PCDH15: variants seen among roughly 807,000 people sequenced by gnomAD.
The protein encoded by PCDH15 is protocadherin related 15, also known as protocadherin-15.
PCDH15 carries 129 observed loss-of-function variants against 178.5 expected under a neutral mutation model. That is an observed-to-expected ratio of 0.72 (90% CI 0.63 to 0.84). PCDH15 has a LOEUF of 0.84. PCDH15 is among the 40% of genes least tolerant of loss of function. The pLI is 0.00. For synonymous variants in PCDH15, 800 were observed against 732.0 expected (o/e 1.09, Z -1.50); for missense variants, 2,230 against 2,099.9 (o/e 1.06, Z -1.21).
At chr10:55,057,147 T>C (rs1841326626) in intron 2 of PCDH15, among the ~76,000 whole-genome samples, 1 of 152,180 alleles carries the variant, frequency 6.6e-6, no homozygotes. Context: ...GGGCCTACAC[T>C]GTAGAGACTC....
chr10:55,273,319 C>G (rs1008643891), intron 1 of PCDH15, among the ~76,000 whole-genome samples: 1 of 152,072 alleles, frequency 6.6e-6, no homozygotes, highest in Admixed American at 6.5e-5. Flanking sequence ...TCTTACTATG[C>G]CTGCTCTAAA....
chr10:54,393,859 T>C (rs867448750), intron 3 of PCDH15, among the ~76,000 whole-genome samples: 1 of 152,156 alleles, frequency 6.6e-6, no homozygotes, highest in Non-Finnish European at 1.5e-5. Flanking sequence ...ATAATGCACA[T>C]GTCATTTCCA....
At chr10:55,189,879 T>G (rs144015916) in intron 1 of PCDH15, among the ~76,000 whole-genome samples, 17 of 151,902 alleles carry the variant, frequency 1.1e-4, no homozygotes, top group African/African-American at 4.1e-4. Context: ...AGCTAAGCAT[T>G]TCCCTATCCC....
chr10:53,825,503 A>T (rs1214583555), intron 32 of PCDH15, among the ~76,000 whole-genome samples: 1 of 151,782 alleles, frequency 6.6e-6, no homozygotes, highest in East Asian at 1.9e-4. Context: ...TTAACTCTGT[A>T]AAACTGGTTA....
chr10:54,946,582 A>G lies in PCDH15; in HGVS notation c.-79-49082T>C, dbSNP rs146610690. Among the ~76,000 whole-genome samples, 1,157 of 151,952 alleles carry G rather than the reference A, an allele frequency of 7.6e-3. 14 individuals carry two copies. The highest frequency in any genetic ancestry group is 0.026 in the African/African-American group (1,067 of 41,490). ...ACACAGCTGTGACCATACATTAGGA[A>G]ACACCCCCGCCCCTGACAATTTCAA... On this transcript the variant is annotated intron_variant, in intron 2 of 5. Transcript: ENST00000458638.
intron 3 of PCDH15, among the ~76,000 whole-genome samples, chr10:54,502,044 C>A (rs1253717066): frequency 1.3e-5 from 2 of 151,920 alleles, no homozygotes; most frequent in African/African-American, 4.8e-5. Context: ...CTTCTCCTCC[C>A]CTTTCCTCTC....
chr10:54,302,448 G>A (rs552694583), intron 8 of PCDH15, among the ~76,000 whole-genome samples: 6 of 152,222 alleles, frequency 3.9e-5, no homozygotes, highest in African/African-American at 1.4e-4. Flanking sequence ...TAGAAGGTTG[G>A]GAGGTGATTA....
rs149938001 is a variant in PCDH15, at chr10:55,481,780, C to T, written c.-156+145845G>A. On this transcript the variant is annotated intron_variant, in intron 2 of 5. Transcript: ENST00000613346. ...TATGTTATCAATTTTAGAGTAAGTT[C>T]CATATGCCAATGAGAAGATTGTATA... is the stretch of plus-strand genomic sequence containing the variant. Among the ~76,000 whole-genome samples the T allele has an allele frequency of 3.7e-3, 568 of 151,702 alleles. 2 individuals carry two copies. Among genetic ancestry groups the T allele is most frequent in the Middle Eastern group, 0.014 (4 of 290 alleles).
intron 3 of PCDH15, among the ~76,000 whole-genome samples, chr10:54,409,950 A>G (rs942044524): frequency 2.0e-5 from 3 of 152,096 alleles, no homozygotes; most frequent in Non-Finnish European, 4.4e-5. Context: ...AGCCTCCAGA[A>G]CCATAAGAAA....
intron 2 of PCDH15, among the ~76,000 whole-genome samples, chr10:55,469,685 C>T (rs893663055): frequency 2.0e-5 from 3 of 152,020 alleles, no homozygotes; most frequent in African/African-American, 7.2e-5. Context: ...ATTTCCACTT[C>T]TACTTAAGGG....
chr10:54,625,391 C>T (rs901859909), intron 2 of PCDH15, among the ~76,000 whole-genome samples: 1 of 152,160 alleles, frequency 6.6e-6, no homozygotes, highest in Non-Finnish European at 1.5e-5. Flanking sequence ...TGGTTTGGTT[C>T]TGTGTCCCCA....
intron 25 of PCDH15, among the ~76,000 whole-genome samples, chr10:53,912,740 C>T (rs758732603): frequency 1.3e-4 from 20 of 152,068 alleles, no homozygotes; most frequent in Admixed American, 2.0e-4. Flanking sequence ...ACAAGGGATG[C>T]GAAGGACCTC....
chr10:55,387,677 G>C (rs764913846), intron 2 of PCDH15, among the ~76,000 whole-genome samples: 1 of 152,010 alleles, frequency 6.6e-6, no homozygotes, highest in Non-Finnish European at 1.5e-5. Context: ...GGCACTTTAA[G>C]AGCCAAATTT....
intron 2 of PCDH15, among the ~76,000 whole-genome samples, chr10:54,995,748 A>G (rs937944297): frequency 1.8e-4 from 27 of 151,836 alleles, no homozygotes; most frequent in African/African-American, 6.3e-4. Flanking sequence ...GAGACTACCA[A>G]AGAACTGAAA....
At chr10:54,654,065 A>T (rs892421799) in intron 2 of PCDH15, among the ~76,000 whole-genome samples, 6 of 152,226 alleles carry the variant, frequency 3.9e-5, no homozygotes, top group African/African-American at 1.4e-4. Context: ...CATTGTGTGC[A>T]ATAGATCACT....
chr10:55,360,846 T>C (rs1478482509), intron 2 of PCDH15, among the ~76,000 whole-genome samples: 2 of 151,888 alleles, frequency 1.3e-5, no homozygotes, highest in Admixed American at 1.3e-4. Context: ...TTATAAACCA[T>C]ACAAAAATGC....
intron 25 of PCDH15, among the ~76,000 whole-genome samples, chr10:53,911,401 T>C (rs1054878726): frequency 6.6e-6 from 1 of 152,150 alleles, no homozygotes; most frequent in African/African-American, 2.4e-5. Context: ...AAGATGTTCT[T>C]TGAAACCAAT....
chr10:54,029,973 G>A (rs542344035), intron 18 of PCDH15, among the ~76,000 whole-genome samples: 1 of 152,008 alleles, frequency 6.6e-6, no homozygotes, highest in Non-Finnish European at 1.5e-5. Flanking sequence ...AGAAGTCCCT[G>A]GGTAGGTTAC....
intron 3 of PCDH15, among the ~76,000 whole-genome samples, chr10:54,511,658 C>T (rs2081677089): frequency 6.6e-6 from 1 of 152,088 alleles, no homozygotes; most frequent in African/African-American, 2.4e-5. Context: ...AGTCTTTGAA[C>T]TCCTGGAATT....
Sources: gnomAD v4.1 joint callset for allele counts (sites outside exome capture counted in the v4.1 genomes callset) on GRCh38, gnomAD v4.1.1 for gene constraint, MANE v1.5 for transcripts, NCBI Gene and HGNC (gene_info 2026-07-23, HGNC 2026-07-21) for gene names.